GALNTL5: variants seen among roughly 807,000 people sequenced by gnomAD.
GALNTL5 encodes the protein inactive polypeptide N-acetylgalactosaminyltransferase-like protein 5.
GALNTL5 carries 44 observed loss-of-function variants against 51.0 expected under a neutral mutation model. The observed-to-expected ratio is 0.86, with a 90% CI of 0.68 to 1.11. The LOEUF is 1.11. Ranked by LOEUF, GALNTL5 falls within the 50% of genes least tolerant of loss-of-function variation. The pLI, the probability that GALNTL5 is intolerant of heterozygous loss-of-function variation, is 0.00. For missense variants in GALNTL5, 528 were observed against 531.8 expected, an observed-to-expected ratio of 0.99 and a Z score of 0.07; for synonymous variants, 192 against 182.8, an observed-to-expected ratio of 1.05 and a Z score of -0.41.
At chr7:151,980,425 C>A (rs1232358075) in intron 3 of GALNTL5, among the ~76,000 whole-genome samples, 1 of 152,182 alleles carries the variant, frequency 6.6e-6, no homozygotes, top group Non-Finnish European at 1.5e-5. Context: ...CGTTTTCCCA[C>A]TCACCGTTAC....
At chr7:151,977,215 A>G (rs534146113) in intron 3 of GALNTL5, among the ~76,000 whole-genome samples, 4 of 152,204 alleles carry the variant, frequency 2.6e-5, no homozygotes, top group Non-Finnish European at 5.9e-5. Context: ...GCAAACACAC[A>G]CTACATAGTA....
At position 152,013,184 on chromosome 7, in the gene GALNTL5, C is replaced by T. The variant is rs1273843047; in HGVS notation, c.1027-1460C>T. 9.9e-5 allele frequency among the ~76,000 whole-genome samples: 15 copies of T among 152,060 alleles called. No homozygotes were observed. The East Asian group carries it at 2.9e-3, about 29-fold the overall frequency. ...AAGCAGGGAACAACAGATACTGGGG[C>T]CTTCCTGAGGGTGGACTGTGGGAGG... On this transcript the variant is annotated intron_variant, in intron 7 of 8. Coordinates refer to ENST00000392800, the MANE Select transcript of GALNTL5 (RefSeq NM_145292.4).
At chr7:151,976,937 G>A (rs1409653927) in intron 3 of GALNTL5, among the ~76,000 whole-genome samples, 3 of 151,988 alleles carry the variant, frequency 2.0e-5, no homozygotes, top group African/African-American at 7.3e-5. Flanking sequence ...CAAAGTGCTG[G>A]GATTACAGGC....
chr7:152,017,049 AAAAG>A (rs928403213), intron 8 of GALNTL5, among the ~76,000 whole-genome samples: 3 of 151,830 alleles, frequency 2.0e-5, no homozygotes, highest in South Asian at 2.1e-4. Flanking sequence ...AAAAAAAAAA[AAAAG>A]AAAAGAAAAG....
intron 3 of GALNTL5, among the ~76,000 whole-genome samples, chr7:151,980,461 G>A (rs2081264762): frequency 6.6e-6 from 1 of 152,114 alleles, no homozygotes; most frequent in African/African-American, 2.4e-5. Flanking sequence ...CGGTGCAGGT[G>A]CCCTCATTCC....
rs1563024339 is a variant in GALNTL5 at position 152,007,939 on chromosome 7, C to A, written c.1021C>A (p.Leu341Ile). Residue 341 changes from leucine to isoleucine, a missense_variant, in exon 7 of 9, where the codon CTA (leucine) becomes ATA (isoleucine). Coordinates refer to ENST00000392800, the MANE Select transcript of GALNTL5 (RefSeq NM_145292.4). The stretch of plus-strand genomic sequence containing the variant: ...GGGAAGAGAAAATTTGGAACTTTCA[C>A]TAAGGGTAATTCAGATTTCATTTTT... The part of the protein sequence containing the change: ...FWGRENLELS[L>I]RIWMCGGQLF... 1 of 1,478,862 alleles carries A rather than the reference C, an allele frequency of 6.8e-7. No individual in the cohort carries two copies. Among genetic ancestry groups the A allele is most frequent in the South Asian group, 1.1e-5 (1 of 87,836 alleles). The allele number at this position is 1,478,862 out of a possible 1,614,324, so 91.6% of individuals were successfully genotyped here.
intron 1 of GALNTL5, among the ~76,000 whole-genome samples, chr7:151,962,426 A>ATTTTTTTT (rs762885233): frequency 2.9e-5 from 1 of 33,990 alleles, no homozygotes; most frequent in Admixed American, 3.1e-4. Context: ...AGTCTGTGTG[A>ATTTTTTTT]TTTTTTTTTC....
At chr7:151,986,850 C>T (rs769939074) in intron 4 of GALNTL5, among the ~76,000 whole-genome samples, 23 of 151,680 alleles carry the variant, frequency 1.5e-4, no homozygotes, top group Non-Finnish European at 3.1e-4. Flanking sequence ...GCCTCAGCCC[C>T]GAGTACCTGG....
chr7:151,982,679 T>G (rs1586824366), intron 3 of GALNTL5, among the ~76,000 whole-genome samples: 1 of 152,016 alleles, frequency 6.6e-6, no homozygotes, highest in South Asian at 2.1e-4. Flanking sequence ...TAACAGAAGC[T>G]AATACATGAA....
chr7:151,979,170 T>C (rs1209825185), intron 3 of GALNTL5, among the ~76,000 whole-genome samples: 2 of 140,950 alleles, frequency 1.4e-5, no homozygotes, highest in Non-Finnish European at 3.0e-5. Flanking sequence ...AGTGCAGTGG[T>C]GCCATCTCGG....
At chr7:151,970,859 T>C in intron 2 of GALNTL5, 86 bp from the exon 3 acceptor site, 1 of 1,102,966 alleles carries the variant, frequency 9.1e-7, no homozygotes, top group Non-Finnish European at 1.3e-6. Flanking sequence ...TTTTAAAAAA[T>C]TGTTTTGGTT....
chr7:152,019,013 C>T (rs2081854720), intron 8 of GALNTL5, among the ~76,000 whole-genome samples: 1 of 152,238 alleles, frequency 6.6e-6, no homozygotes, highest in Admixed American at 6.5e-5. Flanking sequence ...GACATTCATT[C>T]TTGGGGCTTC....
chr7:151,967,651 T>G (rs988202940), intron 2 of GALNTL5, among the ~76,000 whole-genome samples, 158 bp downstream of exon 2: 5 of 152,202 alleles, frequency 3.3e-5, no homozygotes, highest in African/African-American at 9.6e-5. Flanking sequence ...TAGAAAATAA[T>G]AAAACAAGTA....
rs2081371602 is a variant in GALNTL5, at chr7:151,987,381, G to C, written c.658+100G>C. On this transcript the variant is annotated intron_variant, in intron 5 of 8. Transcript: ENST00000392800. ...AGGGAGACCTTCTATGTCTGTGTCT[G>C]CTTCATCAGAAGAGTGGAAATCTAT... The C allele has an allele frequency of 6.8e-6, 7 of 1,033,912 alleles. No individual in the cohort carries two copies. The Admixed American group carries it at 2.1e-4, about 31-fold the overall frequency. 64.0% of individuals were successfully genotyped at this position (1,033,912 alleles called of 1,614,324 possible). A position where few individuals can be genotyped will look rare whatever the true frequency, so the allele number is the denominator to read the frequency against.
At chr7:151,989,092 C>G (rs2081395688) in intron 5 of GALNTL5, among the ~76,000 whole-genome samples, 1 of 151,758 alleles carries the variant, frequency 6.6e-6, no homozygotes, top group South Asian at 2.1e-4. Context: ...CATGACAGTA[C>G]TTAAGAGTTA....
chr7:151,982,307 G>A (rs1369343673), intron 3 of GALNTL5, among the ~76,000 whole-genome samples: 3 of 152,050 alleles, frequency 2.0e-5, no homozygotes, highest in African/African-American at 4.8e-5. Context: ...CCAGCTACTC[G>A]GGAGGCTGAG....
At chr7:151,968,163 G>T (rs926644972) in intron 2 of GALNTL5, among the ~76,000 whole-genome samples, 4 of 152,102 alleles carry the variant, frequency 2.6e-5, no homozygotes, top group African/African-American at 7.2e-5. Flanking sequence ...GCCAGGTGTA[G>T]TGGTGCATGC....
intron 5 of GALNTL5, among the ~76,000 whole-genome samples, chr7:151,998,634 TG>T (rs2081530134): frequency 6.6e-6 from 1 of 152,046 alleles, no homozygotes; most frequent in Non-Finnish European, 1.5e-5. Flanking sequence ...TAGCTGGACA[TG>T]TTGGCAGGTG....
chr7:151,991,683 GC>G (rs1248301343), intron 5 of GALNTL5, among the ~76,000 whole-genome samples: 1 of 152,008 alleles, frequency 6.6e-6, no homozygotes, highest in Non-Finnish European at 1.5e-5. Flanking sequence ...GGCTAATCAC[GC>G]TGTCTCTTGA....
Sources: allele counts gnomAD v4.1 joint callset (sites outside exome capture counted in the v4.1 genomes callset), GRCh38; gene constraint gnomAD v4.1.1; transcripts MANE v1.5; gene names NCBI Gene and HGNC (gene_info 2026-07-23, HGNC 2026-07-21).